The following SMG9 variants were observed in gnomAD, a reference collection of about 807,000 sequenced individuals.
SMG9 encodes SMG9 nonsense mediated mRNA decay factor.
Under a neutral mutation model 64.0 loss-of-function variants are expected in SMG9, and 55 were observed. That is an observed-to-expected ratio of 0.86 (90% CI 0.69 to 1.08). The LOEUF (loss-of-function observed/expected upper bound fraction) is 1.08. Among genes scored for constraint, SMG9 ranks in the 50% least tolerant of loss-of-function variants. The pLI, the probability that SMG9 is intolerant of heterozygous loss-of-function variation, is 0.00. For missense variants in SMG9, 554 were observed against 681.3 expected, an observed-to-expected ratio of 0.81 and a Z score of 2.08; for synonymous variants, 244 against 254.8, an observed-to-expected ratio of 0.96 and a Z score of 0.41.
At chr19:43,753,686 C>A (rs978502907) in intron 1 of SMG9, among the ~76,000 whole-genome samples, 2 of 152,016 alleles carry the variant, frequency 1.3e-5, no homozygotes, top group Non-Finnish European at 2.9e-5. Flanking sequence ...GTATCGAACT[C>A]CTGGCCTCAA....
chr19:43,738,438 A>G (rs375280126), intron 7 of SMG9, among the ~76,000 whole-genome samples: 1 of 152,194 alleles, frequency 6.6e-6, no homozygotes. Context: ...ATGCCCAAAG[A>G]GAAGAAACTG....
At chr19:43,739,040 CCA>C (rs1491505715) in intron 7 of SMG9, among the ~76,000 whole-genome samples, 4 of 152,246 alleles carry the variant, frequency 2.6e-5, no homozygotes, top group Non-Finnish European at 5.9e-5. Flanking sequence ...GCTCTCACCC[CCA>C]GAGCCAGGGC....
intron 9 of SMG9, among the ~76,000 whole-genome samples, chr19:43,735,807 G>A (rs1310958431): frequency 6.6e-6 from 1 of 151,998 alleles, no homozygotes; most frequent in East Asian, 1.9e-4. Flanking sequence ...ATCTCAAGGG[G>A]CTCCCCTACT....
At chr19:43,742,819 G>A (rs1181210032) in intron 6 of SMG9, among the ~76,000 whole-genome samples, 1 of 152,084 alleles carries the variant, frequency 6.6e-6, no homozygotes, top group Non-Finnish European at 1.5e-5. Context: ...GGCCAGGCAC[G>A]GTGGCTCACA....
chr19:43,737,751 C>A lies in SMG9; in HGVS notation c.910-69G>T, dbSNP rs1968719575. The A allele has an allele frequency of 8.0e-6, 12 of 1,494,388 alleles. No individual in the cohort carries two copies. The South Asian group carries it at 1.4e-4, about 18-fold the overall frequency. The allele number at this position is 1,494,388 out of a possible 1,614,324, so 92.6% of individuals were successfully genotyped here. A position where few individuals can be genotyped will look rare whatever the true frequency, so the allele number is the denominator to read the frequency against. On this transcript the variant is annotated intron_variant, in intron 8 of 13. Coordinates refer to ENST00000270066, the MANE Select transcript of SMG9 (RefSeq NM_019108.4). ...CCAGACTAATCAGGAGTCCCTGATC[C>A]CAGGACTCAGTTCAGGAGGCAGCAA...
At chr19:43,742,356 T>C (rs1346232597) in intron 6 of SMG9, among the ~76,000 whole-genome samples, 1 of 151,924 alleles carries the variant, frequency 6.6e-6, no homozygotes, top group African/African-American at 2.4e-5. Context: ...GAGGATGGCT[T>C]GGGCCCAGGT....
rs940228049 is a variant in SMG9 at position 43,730,175 on chromosome 19, TG to T, written c.*1420del. On this transcript the variant is annotated 3_prime_UTR_variant, in exon 14 of 14. Transcript: ENST00000270066. ...AATATGTGCCACGGGCGGCAGGGGG[TG>T]GGGGAGGGCAATGGATGAACAGACT... 2 of 150,160 alleles carry T rather than the reference TG, an allele frequency of 1.3e-5. No homozygotes were observed. Among genetic ancestry groups the T allele is most frequent in the African/African-American group, 2.5e-5 (1 of 40,654 alleles). The allele number at this position is 150,160 out of a possible 1,614,324, so 9.3% of individuals were successfully genotyped here. A position where few individuals can be genotyped will look rare whatever the true frequency, so the allele number is the denominator to read the frequency against.
intron 9 of SMG9, among the ~76,000 whole-genome samples, chr19:43,736,557 A>G (rs1193041030): frequency 6.6e-6 from 1 of 152,150 alleles, no homozygotes; most frequent in Non-Finnish European, 1.5e-5. Flanking sequence ...CTCCCTGAGT[A>G]CCAACAGGAG....
chr19:43,730,355 G>C lies in SMG9; in HGVS notation c.*1241C>G, dbSNP rs1387483605. ...AGGGTTGGTACTGTACCAAATCGCA[G>C]AGTGGATTTAACTGAGGGTAGGTTC... On this transcript the variant is annotated 3_prime_UTR_variant, in exon 14 of 14. Transcript: ENST00000270066. 1 of 152,230 alleles carries C rather than the reference G, an allele frequency of 6.6e-6. No homozygotes were observed. The highest frequency in any genetic ancestry group is 1.5e-5 in the Non-Finnish European group (1 of 68,072). The allele number at this position is 152,230 out of a possible 1,614,324, so 9.4% of individuals were successfully genotyped here.
At chr19:43,738,078 G>T in intron 8 of SMG9, 44 bp downstream of exon 8, 1 of 1,552,798 alleles carries the variant, frequency 6.4e-7, no homozygotes, top group South Asian at 1.1e-5. Flanking sequence ...GGATGGGGGT[G>T]GGGATGTAAA....
At chr19:43,731,719 C>G (rs766212957) in intron 13 of SMG9, 45 bp from the exon 14 acceptor site, 9 of 1,613,276 alleles carry the variant, frequency 5.6e-6, no homozygotes, top group South Asian at 4.4e-5. Flanking sequence ...GGGGCTCCCC[C>G]CAGCCCAGCA....
chr19:43,731,237 TTA>T lies in SMG9; in HGVS notation c.*357_*358del. 9.2e-7 allele frequency: 1 copy of T among 1,081,596 alleles called. No homozygotes were observed. Among genetic ancestry groups the T allele is most frequent in the South Asian group, 3.1e-5 (1 of 32,076 alleles). 67.0% of individuals were successfully genotyped at this position (1,081,596 alleles called of 1,614,324 possible). A position where few individuals can be genotyped will look rare whatever the true frequency, so the allele number is the denominator to read the frequency against. On this transcript the variant is annotated 3_prime_UTR_variant, in exon 14 of 14. Coordinates refer to ENST00000270066, the MANE Select transcript of SMG9 (RefSeq NM_019108.4). ...CCTGCCTCACCTTACAGGGAAGGGC[TTA>T]GAGTCAGGGAAGAGGGGCCTGTTGC...
Position 43,731,731 on chromosome 19 carries a change from CA to C in SMG9, c.1485-58del. On this transcript the variant is annotated intron_variant, in intron 13 of 13. Coordinates refer to ENST00000270066, the MANE Select transcript of SMG9 (RefSeq NM_019108.4). ...GCCGGGGCTCCCCCCAGCCCAGCACCAACCCGGGACAGGTGGAGAAACTGAG... is the reference window on the plus strand; with the variant it reads ...GCCGGGGCTCCCCCCAGCCCAGCACCACCCGGGACAGGTGGAGAAACTGAG... 3.1e-6 allele frequency: 5 copies of C among 1,606,924 alleles called. No individual in the cohort carries two copies. The South Asian group carries it at 5.5e-5, about 18-fold the overall frequency.
Position 43,750,577 on chromosome 19 carries a change from G to C in SMG9, c.150+15C>G. The C allele has an allele frequency of 1.2e-6, 2 of 1,601,300 alleles. No individual in the cohort carries two copies. Among genetic ancestry groups the C allele is most frequent in the Non-Finnish European group, 8.5e-7 (1 of 1,173,010 alleles). On this transcript the variant is annotated intron_variant, in intron 2 of 13. Transcript: ENST00000270066. The stretch of plus-strand genomic sequence containing the variant: ...AATAGATACATGAATGCTGCTCCTG[G>C]GTCCAGACACTCACCCTTCTCTCTC...
At chr19:43,737,949 G>A (rs1356126307) in intron 8 of SMG9, 173 bp downstream of exon 8, 3 of 693,308 alleles carry the variant, frequency 4.3e-6, no homozygotes, top group African/African-American at 3.6e-5. Flanking sequence ...GCAGAGCCAG[G>A]AGTTGAGCCA....
chr19:43,743,062 G>A (rs113531600), intron 6 of SMG9, among the ~76,000 whole-genome samples: 3,297 of 151,360 alleles, frequency 0.022, 109 homozygotes, highest in African/African-American at 0.074. Flanking sequence ...GTGACAGAGC[G>A]AGACTGTCTC....
chr19:43,728,753 G>A lies in SMG9; in HGVS notation c.*2843C>T, dbSNP rs2146346430. 1 of 154,726 alleles carries A rather than the reference G, an allele frequency of 6.5e-6. No homozygotes were observed. Among genetic ancestry groups the A allele is most frequent in the Admixed American group, 6.5e-5 (1 of 15,306 alleles). The allele number at this position is 154,726 out of a possible 1,614,324, so 9.6% of individuals were successfully genotyped here. Reference sequence around the variant, plus strand: ...AGTGCTGCGCTCATGACAGGCGCTTGAGCCCAGGCAGCTGCCAGCACAACA... The same window carrying A: ...AGTGCTGCGCTCATGACAGGCGCTTAAGCCCAGGCAGCTGCCAGCACAACA... On this transcript the variant is annotated 3_prime_UTR_variant, in exon 14 of 14. Coordinates refer to ENST00000270066, the MANE Select transcript of SMG9 (RefSeq NM_019108.4).
chr19:43,735,640 T>C (rs7249806), intron 9 of SMG9, among the ~76,000 whole-genome samples: 2 of 133,332 alleles, frequency 1.5e-5, no homozygotes, highest in Non-Finnish European at 3.1e-5. Flanking sequence ...AAAAAAAAAA[T>C]CTGTGTGGTT....
In SMG9 at chr19:43,733,129, T is replaced by G. The variant is rs187812282; in HGVS notation, c.1340-127A>C. On this transcript the variant is annotated intron_variant, in intron 12 of 13. Coordinates refer to ENST00000270066, the MANE Select transcript of SMG9 (RefSeq NM_019108.4). Reference sequence around the variant, plus strand: ...CGGCTGAGCTCTTCCTGTACTTCTATGACTCTGAAACACACTCCTAATAAA... The same window carrying G: ...CGGCTGAGCTCTTCCTGTACTTCTAGGACTCTGAAACACACTCCTAATAAA... The G allele has an allele frequency of 6.1e-5, 82 of 1,339,912 alleles. No individual in the cohort carries two copies. The Middle Eastern group carries it at 2.2e-3, about 36-fold the overall frequency. The allele number at this position is 1,339,912 out of a possible 1,614,324, so 83.0% of individuals were successfully genotyped here.
Sources: gnomAD v4.1 joint callset for allele counts (sites outside exome capture counted in the v4.1 genomes callset) on GRCh38, gnomAD v4.1.1 for gene constraint, MANE v1.5 for transcripts, NCBI Gene and HGNC (gene_info 2026-07-23, HGNC 2026-07-21) for gene names.